Variants in PUSL1 observed in about 807,000 individuals in gnomAD.
The protein encoded by PUSL1 is tRNA pseudouridine synthase-like 1.
PUSL1 carries 51 observed loss-of-function variants against 30.7 expected under a neutral mutation model. That is an observed-to-expected ratio of 1.66 (90% CI 1.33 to 2.10). The LOEUF is 2.10. Among genes scored for constraint, PUSL1 ranks in the 30% most tolerant of loss-of-function variants. The pLI is 0.00. For synonymous variants in PUSL1, 290 were observed against 192.1 expected (o/e 1.51, Z -4.21); for missense variants, 609 against 427.6 (o/e 1.42, Z -3.74).
chr1:1,309,683 G>C lies in PUSL1; in HGVS notation c.476G>C (p.Cys159Ser), dbSNP rs1330818078. The part of the protein sequence containing the change: ...RNLCWTLPAD[C>S]LDMVAMQEAA... ...GACGGTCACCCTGGTCCCTGAAGCT[G>C]CCTGGATATGGTCGCCATGCAGGAA... Residue 159 changes from cysteine to serine, a missense_variant and splice_region_variant, in exon 5 of 8, where the codon TGC becomes TCC. Cys to Ser is a moderately radical substitution (Grantham distance 112). Coordinates refer to ENST00000379031, the MANE Select transcript of PUSL1 (RefSeq NM_153339.3). The C allele has an allele frequency of 3.8e-6, 6 of 1,595,522 alleles. No individual in the cohort carries two copies. Among genetic ancestry groups the C allele is most frequent in the Non-Finnish European group, 5.1e-6 (6 of 1,167,366 alleles).
In PUSL1 at chr1:1,309,706, G is replaced by A. The variant is rs1189233836; in HGVS notation, c.499G>A (p.Glu167Lys). Residue 167 changes from glutamate to lysine, a missense_variant, in exon 5 of 8, where the codon GAA becomes AAA. Glu to Lys is a moderately conservative substitution (Grantham distance 56, BLOSUM62 1). Transcript: ENST00000379031. ...ADCLDMVAMQ[E>K]AAQHLLGTHD... Reference sequence around the variant, plus strand: ...CTGCCTGGATATGGTCGCCATGCAGGAAGCCGCCCAGCACCTCCTCGGCAC... The same window carrying A: ...CTGCCTGGATATGGTCGCCATGCAGAAAGCCGCCCAGCACCTCCTCGGCAC... 6.3e-7 allele frequency: 1 copy of A among 1,596,956 alleles called. No individual in the cohort carries two copies.
rs746568979 is a variant in PUSL1, at chr1:1,309,117, C to G, written c.167C>G (p.Pro56Arg). 46 of 1,518,054 alleles carry G rather than the reference C, an allele frequency of 3.0e-5. No individual in the cohort carries two copies. The African/African-American group carries it at 4.3e-4, about 14-fold the overall frequency. 94.0% of individuals were successfully genotyped at this position (1,518,054 alleles called of 1,614,324 possible). A position where few individuals can be genotyped will look rare whatever the true frequency, so the allele number is the denominator to read the frequency against. ...GCCGAGCGGCTGAATTCCGTGGAGC[C>G]GGTCAGGTTCACCATCTCCAGCCGC... The part of the protein sequence containing the change: ...EAAERLNSVE[P>R]VRFTISSRTD... Residue 56 changes from proline to arginine, a missense_variant, in exon 3 of 8, where the codon CCG becomes CGG. Physicochemically the swap from Pro to Arg is moderately radical, Grantham distance 103 (BLOSUM62 -2). Coordinates refer to ENST00000379031, the MANE Select transcript of PUSL1 (RefSeq NM_153339.3).
intron 5 of PUSL1, 185 bp downstream of exon 5, chr1:1,310,036 G>A (rs890020895): frequency 1.3e-5 from 7 of 558,222 alleles, no homozygotes; most frequent in African/African-American, 1.1e-4. Context: ...CTCCCCCCAG[G>A]CTGGGGAGCG....
In PUSL1 at chr1:1,309,258, G is replaced by A. The variant is rs12094447; in HGVS notation, c.308G>A (p.Arg103Gln). ...GCCGAGGCCCTCAACACACACCTGCGGCACCCGGCCATCAGGTGAGCCCGC... is the reference window on the plus strand; with the variant it reads ...GCCGAGGCCCTCAACACACACCTGCAGCACCCGGCCATCAGGTGAGCCCGC... ...VLAEALNTHL[R>Q]HPAIRVLRAF... is the part of the protein sequence containing the mutation. Residue 103 changes from arginine to glutamine, a missense_variant, in exon 3 of 8, where the codon CGG becomes CAG. Transcript: ENST00000379031. 3.6e-3 allele frequency: 5,390 copies of A among 1,488,504 alleles called. 176 individuals carry two copies. In the African/African-American group the frequency reaches 0.064, roughly 18 times the overall value. 92.2% of individuals were successfully genotyped at this position (1,488,504 alleles called of 1,614,324 possible). A position where few individuals can be genotyped will look rare whatever the true frequency, so the allele number is the denominator to read the frequency against.
At position 1,310,923 on chromosome 1, in the gene PUSL1, G is replaced by A. The variant is rs41285824; in HGVS notation, c.714G>A (p.Thr238=). 38,880 of 1,608,136 alleles carry A rather than the reference G, an allele frequency of 0.024. 606 individuals carry two copies. The highest frequency in any genetic ancestry group is 0.028 in the Non-Finnish European group (32,341 of 1,175,372). Residue 238 remains threonine, a synonymous_variant, in exon 7 of 8, where the codon ACG becomes ACA. Transcript: ENST00000379031. ...SFLYRQVRRM[T]AVLVAVGLGA... is the part of the protein sequence containing the mutation. ...CTGGGTCACAGGTACGGAGGATGAC[G>A]GCTGTGCTGGTGGCCGTGGGGCTGG... is the stretch of plus-strand genomic sequence containing the variant.
rs1016988497 is a variant in PUSL1, at chr1:1,309,103, G to A, written c.153G>A (p.Leu51=). Residue 51 remains leucine (L), a synonymous_variant, in exon 3 of 8, where the codon CTG becomes CTA. Coordinates refer to ENST00000379031, the MANE Select transcript of PUSL1 (RefSeq NM_153339.3). ...TCCTGCAGGAGGCCGCCGAGCGGCT[G>A]AATTCCGTGGAGCCGGTCAGGTTCA... ...QNYLEEAAER[L]NSVEPVRFTI... 8.6e-6 allele frequency: 13 copies of A among 1,506,960 alleles called. No homozygotes were observed. In the African/African-American group the frequency reaches 1.7e-4, roughly 20 times the overall value. 93.3% of individuals were successfully genotyped at this position (1,506,960 alleles called of 1,614,324 possible).
intron 5 of PUSL1, 84 bp downstream of exon 5, chr1:1,309,935 A>T: frequency 3.4e-6 from 4 of 1,169,672 alleles, no homozygotes; most frequent in Non-Finnish European, 4.7e-6. Flanking sequence ...TTTTAAGGCA[A>T]GGTGAGGCGG....
chr1:1,309,034 T>C, intron 2 of PUSL1, 52 bp from the exon 3 acceptor site: 1 of 1,389,606 alleles, frequency 7.2e-7, no homozygotes, highest in South Asian at 1.6e-5. Context: ...CGCCCGCGCG[T>C]CCCCGGGGTC....
At position 1,311,391 on chromosome 1, in the gene PUSL1, C is replaced by A; in HGVS notation, c.*12C>A. 1.2e-6 allele frequency: 2 copies of A among 1,601,586 alleles called. No homozygotes were observed. The highest frequency in any genetic ancestry group is 2.2e-5 in the East Asian group (1 of 44,498). On this transcript the variant is annotated 3_prime_UTR_variant, in exon 8 of 8. Coordinates refer to ENST00000379031, the MANE Select transcript of PUSL1 (RefSeq NM_153339.3). ...GGAGCCACGGATGACCCTGGACACTCAAGCCAAAGTTAGGCCACACCAGGC... is the reference window on the plus strand; with the variant it reads ...GGAGCCACGGATGACCCTGGACACTAAAGCCAAAGTTAGGCCACACCAGGC...
At chr1:1,309,300 G>A in intron 3 of PUSL1, 27 bp downstream of exon 3, 1 of 1,469,786 alleles carries the variant, frequency 6.8e-7, no homozygotes, top group Non-Finnish European at 9.0e-7. Context: ...AGCAGCCCTG[G>A]GGCTGTGCCT....
At chr1:1,311,094 GC>G in intron 7 of PUSL1, 23 bp downstream of exon 7, 8 of 1,582,750 alleles carry the variant, frequency 5.1e-6, no homozygotes, top group Non-Finnish European at 6.9e-6. Context: ...GGCACGAGAA[GC>G]TCCTGTCATG....
At position 1,309,862 on chromosome 1, in the gene PUSL1, G is replaced by A. The variant is rs376939111; in HGVS notation, c.644+11G>A. 283 of 1,486,870 alleles carry A rather than the reference G, an allele frequency of 1.9e-4. No individual in the cohort carries two copies. The African/African-American group carries it at 3.4e-3, about 18-fold the overall frequency. The allele number at this position is 1,486,870 out of a possible 1,614,324, so 92.1% of individuals were successfully genotyped here. A position where few individuals can be genotyped will look rare whatever the true frequency, so the allele number is the denominator to read the frequency against. On this transcript the variant is annotated intron_variant, in intron 5 of 7. Transcript: ENST00000379031. ...CCCCGAGGAGAGCAGGTGAGGAAGG[G>A]CCCCTGGGCTGTGGCCCTGCCCTCA...
rs1642105725 is a variant in PUSL1 at position 1,310,948 on chromosome 1, G to A, written c.739G>A (p.Gly247Arg). ...GGCTGTGCTGGTGGCCGTGGGGCTG[G>A]GGGCTTTGGCACCTGCCCAGGTGAA... is the stretch of plus-strand genomic sequence containing the variant. ...MTAVLVAVGL[G>R]ALAPAQVKTI... The change falls in exon 7 of 8, where the codon GGG (glycine) becomes AGG (arginine). Residue 247 changes from glycine to arginine, a missense_variant. Physicochemically the swap from Gly to Arg is moderately radical, Grantham distance 125. Coordinates refer to ENST00000379031, the MANE Select transcript of PUSL1 (RefSeq NM_153339.3). The A allele has an allele frequency of 3.1e-6, 5 of 1,605,026 alleles. No homozygotes were observed. The highest frequency in any genetic ancestry group is 1.6e-4 in the Middle Eastern group (1 of 6,070).
intron 5 of PUSL1, 48 bp from the exon 6 acceptor site, chr1:1,310,586 G>A (rs370068657): frequency 3.5e-5 from 49 of 1,402,456 alleles, no homozygotes; most frequent in Admixed American, 1.6e-4. Context: ...GTAGGCTGAG[G>A]ATGGCAAACA....
At chr1:1,311,303 C>G (rs1642135432) in intron 7 of PUSL1, 27 bp from the exon 8 acceptor site, 1 of 1,527,822 alleles carries the variant, frequency 6.5e-7, no homozygotes, top group South Asian at 1.3e-5. Context: ...TTGCCCCAGG[C>G]TGACGCAGGG....
chr1:1,309,441 C>A lies in PUSL1; in HGVS notation c.324-13C>A. 6.3e-7 allele frequency: 1 copy of A among 1,587,682 alleles called. No homozygotes were observed. The highest frequency in any genetic ancestry group is 8.6e-7 in the Non-Finnish European group (1 of 1,167,150). ...GGGGTCGTTCCTCCGGTGAGCTTTA[C>A]CTGCCGCCATAGGGTCCTGCGGGCC... On this transcript the variant is annotated splice_polypyrimidine_tract_variant and intron_variant, in intron 3 of 7. Transcript: ENST00000379031.
In PUSL1 at chr1:1,309,087, A is replaced by T; in HGVS notation, c.137A>T (p.Glu46Val). Residue 46 changes from glutamate to valine, a missense_variant and splice_region_variant, in exon 3 of 8, where the codon GAG becomes GTG. Transcript: ENST00000379031. ...RAVGVQNYLEEAAERLNSVEP... is the reference protein window; with the variant it reads ...RAVGVQNYLEVAAERLNSVEP... The stretch of plus-strand genomic sequence containing the variant: ...CCGCCCCGCGGCTCGGTCCTGCAGG[A>T]GGCCGCCGAGCGGCTGAATTCCGTG... 6.7e-7 allele frequency: 1 copy of T among 1,483,592 alleles called. No homozygotes were observed. Among genetic ancestry groups the T allele is most frequent in the South Asian group, 1.3e-5 (1 of 76,902 alleles). The allele number at this position is 1,483,592 out of a possible 1,614,324, so 91.9% of individuals were successfully genotyped here.
In PUSL1 at chr1:1,308,942, G is replaced by A; in HGVS notation, c.105G>A (p.Gln35=). 2 of 1,421,010 alleles carry A rather than the reference G, an allele frequency of 1.4e-6. No individual in the cohort carries two copies. Among genetic ancestry groups the A allele is most frequent in the East Asian group, 2.9e-5 (1 of 35,000 alleles). 88.0% of individuals were successfully genotyped at this position (1,421,010 alleles called of 1,614,324 possible). Residue 35 remains glutamine, a synonymous_variant, in exon 2 of 8, where the codon CAG becomes CAA. Coordinates refer to ENST00000379031, the MANE Select transcript of PUSL1 (RefSeq NM_153339.3). ...FNGVAAVRGT[Q]RAVGVQNYLE... ...GGGTCGCGGCCGTCAGGGGCACTCA[G>A]CGCGCCGTCGGGGTCCAGAACTACC...
rs34738574 is a variant in PUSL1, at chr1:1,309,796, C to G, written c.589C>G (p.Arg197Gly). The stretch of plus-strand genomic sequence containing the variant: ...GCCGAGCCCCGTGCGAACGCTGCGC[C>G]GGGTCTCCGTTTCCCCAGGCCAAGC... Reference protein sequence around the residue: ...PVPSPVRTLRRVSVSPGQASP... With the variant: ...PVPSPVRTLRGVSVSPGQASP... The change falls in exon 5 of 8, where the codon CGG becomes GGG. Residue 197 changes from arginine to glycine, a missense_variant. Physicochemically the swap from Arg to Gly is moderately radical, Grantham distance 125. Coordinates refer to ENST00000379031, the MANE Select transcript of PUSL1 (RefSeq NM_153339.3). The G allele has an allele frequency of 6.4e-7, 1 of 1,555,686 alleles. No individual in the cohort carries two copies. The highest frequency in any genetic ancestry group is 8.7e-7 in the Non-Finnish European group (1 of 1,149,806).
Sources: allele counts gnomAD v4.1 joint callset, GRCh38; gene constraint gnomAD v4.1.1; transcripts MANE v1.5; gene names NCBI Gene and HGNC (gene_info 2026-07-23, HGNC 2026-07-21).